YAE1: variants seen among roughly 807,000 people sequenced by gnomAD.
YAE1 encodes YAE1 maturation factor of ABCE1, also known as protein YAE1 homolog.
A neutral mutation model predicts 23.0 loss-of-function variants in YAE1; 22 were observed. That is an observed-to-expected ratio of 0.96 (90% CI 0.68 to 1.37). YAE1 has a LOEUF of 1.37. Ranked by LOEUF, YAE1 falls within the 40% of genes most tolerant of loss-of-function variation. YAE1 has a pLI of 0.00. For missense variants in YAE1, 260 were observed against 262.1 expected (o/e 0.99, Z 0.06); for synonymous variants, 101 against 97.0 (o/e 1.04, Z -0.24).
rs774191625 is a variant in YAE1, at chr7:39,581,060, CTCTT to C, written c.251+10435_251+10438del. ...GCAGTTCATCTCTTGATCTCACTCT[CTCTT>C]TTTCTCTCACACACACAAACACAAC... On this transcript the variant is annotated intron_variant, in intron 2 of 2. Transcript: ENST00000432096. 1.1e-4 allele frequency among the ~76,000 whole-genome samples: 17 copies of C among 152,196 alleles called. 1 individual carries two copies. Among genetic ancestry groups the C allele is most frequent in the Non-Finnish European group, 2.1e-4 (14 of 68,038 alleles).
intron 2 of YAE1, among the ~76,000 whole-genome samples, chr7:39,587,939 G>GT (rs1264133997): frequency 6.6e-6 from 1 of 152,122 alleles, no homozygotes; most frequent in Admixed American, 6.5e-5. Flanking sequence ...CTACTTTTTA[G>GT]TTTTTTAAAA....
intron 1 of YAE1, chr7:39,569,802 T>C (rs932093543): frequency 1.3e-6 from 1 of 754,794 alleles, no homozygotes; most frequent in Non-Finnish European, 2.4e-6. Flanking sequence ...TTCAATACTC[T>C]TCCACTCTTT....
chr7:39,594,752 G>C (rs1040808948), intron 2 of YAE1, among the ~76,000 whole-genome samples: 1 of 151,972 alleles, frequency 6.6e-6, no homozygotes, highest in African/African-American at 2.4e-5. Context: ...CCGCCACCAT[G>C]CCTGGCTAAT....
In YAE1 at chr7:39,572,589, A is replaced by C. The variant is rs767069478; in HGVS notation, c.564A>C (p.Thr188=). 1.9e-6 allele frequency: 3 copies of C among 1,614,126 alleles called. No individual in the cohort carries two copies. Among genetic ancestry groups the C allele is most frequent in the Non-Finnish European group, 2.5e-6 (3 of 1,179,956 alleles). Residue 188 remains threonine, a synonymous_variant, in exon 3 of 3, where the codon ACA becomes ACC. Transcript: ENST00000223273. ...GTTCATATGTAGAATGTTGTAGAAC[A>C]CAGGAGCATGCACATTCAGAAAACC... ...IDCSYVECCR[T]QEHAHSENPS...
chr7:39,582,644 C>T (rs1790762503), intron 2 of YAE1, among the ~76,000 whole-genome samples: 1 of 152,144 alleles, frequency 6.6e-6, no homozygotes, highest in Admixed American at 6.5e-5. Flanking sequence ...TTATTTCTGT[C>T]AGTGTGCTGG....
chr7:39,591,038 G>A (rs1790894127), intron 2 of YAE1, among the ~76,000 whole-genome samples: 1 of 152,288 alleles, frequency 6.6e-6, no homozygotes, highest in Admixed American at 6.5e-5. Context: ...GGCAGGCTTG[G>A]TTCCTTCTGA....
chr7:39,570,062 C>G lies in YAE1; in HGVS notation c.130-444C>G, dbSNP rs1020961287. On this transcript the variant is annotated intron_variant, in intron 1 of 2. Coordinates refer to ENST00000223273, the MANE Select transcript of YAE1 (RefSeq NM_020192.5). Reference sequence around the variant, plus strand: ...CGGGGCATAAAATTGTATCATCCAGCCTCCTTCCAGCAGCTCTCTCCAGTT... The same window carrying G: ...CGGGGCATAAAATTGTATCATCCAGGCTCCTTCCAGCAGCTCTCTCCAGTT... 5 of 1,276,636 alleles carry G rather than the reference C, an allele frequency of 3.9e-6. No homozygotes were observed. In the Admixed American group the frequency reaches 6.8e-5, roughly 17 times the overall value. The allele number at this position is 1,276,636 out of a possible 1,614,324, so 79.1% of individuals were successfully genotyped here. A position where few individuals can be genotyped will look rare whatever the true frequency, so the allele number is the denominator to read the frequency against.
chr7:39,599,312 C>G (rs1336511793), intron 2 of YAE1, among the ~76,000 whole-genome samples: 6 of 152,182 alleles, frequency 3.9e-5, no homozygotes, highest in Non-Finnish European at 7.4e-5. Context: ...GCCTCAGTTT[C>G]TTCATTCGTA....
At chr7:39,610,605 A>G (rs1791198282), downstream of YAE1, among the ~76,000 whole-genome samples, 1 of 152,190 alleles carries the variant, frequency 6.6e-6, no homozygotes, top group African/African-American at 2.4e-5. Flanking sequence ...ACAGTTCTGT[A>G]AGAAGTGTGT....
intron 2 of YAE1, among the ~76,000 whole-genome samples, chr7:39,581,651 C>T (rs775249405): frequency 1.2e-4 from 18 of 152,058 alleles, no homozygotes; most frequent in Non-Finnish European, 2.2e-4. Context: ...ACAGGTGGAT[C>T]ACTTGAACCC....
intron 2 of YAE1, among the ~76,000 whole-genome samples, chr7:39,596,849 T>A (rs937222931): frequency 1.3e-4 from 20 of 152,094 alleles, no homozygotes; most frequent in African/African-American, 4.8e-4. Context: ...AATAAATGAA[T>A]ACAAGACACA....
At chr7:39,594,607 A>AC (rs1554292626) in intron 2 of YAE1, among the ~76,000 whole-genome samples, 2 of 144,276 alleles carry the variant, frequency 1.4e-5, no homozygotes, top group Admixed American at 1.4e-4. Context: ...GTAGAACCTC[A>AC]TTTTTTTTTT....
At chr7:39,569,754 A>T in intron 1 of YAE1, 1 of 749,804 alleles carries the variant, frequency 1.3e-6, no homozygotes, top group Non-Finnish European at 2.5e-6. Flanking sequence ...CGTACTACTC[A>T]TCTGAACAGA....
In YAE1 at chr7:39,571,237, A is replaced by G. The variant is rs1033544116; in HGVS notation, c.251+610A>G. ...TCATAAACTTTCTTAAAACAATATG[A>G]GCATTATGAAATTTTTTTCATGATA... On this transcript the variant is annotated intron_variant, in intron 2 of 2. Transcript: ENST00000223273. Among the ~76,000 whole-genome samples the G allele has an allele frequency of 3.3e-5, 5 of 151,120 alleles. No individual in the cohort carries two copies. In the East Asian group the frequency reaches 7.7e-4, roughly 23 times the overall value.
chr7:39,573,406 T>C (rs1485390322), downstream of YAE1, among the ~76,000 whole-genome samples: 1 of 152,224 alleles, frequency 6.6e-6, no homozygotes, highest in Non-Finnish European at 1.5e-5. Context: ...TAAACTGCAG[T>C]ATATTTCATA....
chr7:39,586,240 T>G (rs1583675960), intron 2 of YAE1, among the ~76,000 whole-genome samples: 2 of 151,194 alleles, frequency 1.3e-5, no homozygotes, highest in Non-Finnish European at 2.9e-5. Context: ...TGGTGCGAAC[T>G]CTGCTCACTG....
Position 39,572,673 on chromosome 7 carries a change from A to C in YAE1, c.648A>C (p.Ser216=). The change falls in exon 3 of 3, where the codon TCA becomes TCC. Residue 216 remains serine (S), a synonymous_variant. Transcript: ENST00000223273. ...TASLVKQLGL[S]VDVLQHLKQL ...GTTTAGTTAAACAGCTGGGCCTATCAGTAGATGTATTACAACACCTCAAAC... is the reference window on the plus strand; with the variant it reads ...GTTTAGTTAAACAGCTGGGCCTATCCGTAGATGTATTACAACACCTCAAAC... 6.2e-7 allele frequency: 1 copy of C among 1,605,512 alleles called. No homozygotes were observed. The highest frequency in any genetic ancestry group is 8.5e-7 in the Non-Finnish European group (1 of 1,177,606).
chr7:39,599,507 T>C (rs1344813289), intron 2 of YAE1, among the ~76,000 whole-genome samples: 1 of 151,736 alleles, frequency 6.6e-6, no homozygotes, highest in Non-Finnish European at 1.5e-5. Flanking sequence ...TCTTGAGAGC[T>C]GGGACTATAG....
chr7:39,577,345 G>A (rs151325298), downstream of YAE1, among the ~76,000 whole-genome samples: 25 of 152,356 alleles, frequency 1.6e-4, no homozygotes, highest in Admixed American at 2.6e-4. Flanking sequence ...CTCTGGCTGC[G>A]CTTGAGGAGC....
Sources: gnomAD v4.1 joint callset for allele counts (sites outside exome capture counted in the v4.1 genomes callset) on GRCh38, gnomAD v4.1.1 for gene constraint, MANE v1.5 for transcripts, NCBI Gene and HGNC (gene_info 2026-07-23, HGNC 2026-07-21) for gene names.